ERI3: variants seen among roughly 807,000 people sequenced by gnomAD.
ERI3 encodes ERI1 exoribonuclease 3.
A neutral mutation model predicts 44.4 loss-of-function variants in ERI3; 18 were observed. The observed-to-expected ratio is 0.41, with a 90% CI of 0.28 to 0.60. The LOEUF (loss-of-function observed/expected upper bound fraction) is 0.60. Ranked by LOEUF, ERI3 falls within the 20% of genes least tolerant of loss-of-function variation. The pLI is 0.36. For missense variants in ERI3, 294 were observed against 435.5 expected (o/e 0.68, Z 2.89); for synonymous variants, 183 against 164.8 (o/e 1.11, Z -0.84).
chr1:44,336,558 T>C (rs893913381), intron 3 of ERI3, among the ~76,000 whole-genome samples: 23 of 152,216 alleles, frequency 1.5e-4, no homozygotes, highest in African/African-American at 4.8e-4. Flanking sequence ...GAAGTTAAGA[T>C]TGATCTGACA....
intron 6 of ERI3, 71 bp from the exon 7 acceptor site, chr1:44,284,978 A>C (rs1184877919): frequency 2.4e-6 from 3 of 1,265,642 alleles, no homozygotes; most frequent in Non-Finnish European, 3.5e-6. Context: ...TAAGATGGGA[A>C]GTCCAACAGA....
rs982456568 is a variant in ERI3, at chr1:44,252,654, C to A, written c.832-4616G>T. 6.6e-6 allele frequency among the ~76,000 whole-genome samples: 1 copy of A among 152,182 alleles called. No individual in the cohort carries two copies. Among genetic ancestry groups the A allele is most frequent in the African/African-American group, 2.4e-5 (1 of 41,436 alleles). On this transcript the variant is annotated intron_variant, in intron 7 of 8. Coordinates refer to ENST00000372257, the MANE Select transcript of ERI3 (RefSeq NM_024066.3). The surrounding 1 kb of genome is among the most constrained non-coding windows in gnomAD (Gnocchi z 4.7). Reference sequence around the variant, plus strand: ...GCGGCTTATGGGGGCTTAGCAGCTGCGACAAGTGTATTGGGTTTAATAGAT... The same window carrying A: ...GCGGCTTATGGGGGCTTAGCAGCTGAGACAAGTGTATTGGGTTTAATAGAT...
At chr1:44,328,361 C>G (rs1324440729) in intron 3 of ERI3, among the ~76,000 whole-genome samples, 2 of 151,912 alleles carry the variant, frequency 1.3e-5, no homozygotes, top group Admixed American at 1.3e-4. Flanking sequence ...CAAACCAGTC[C>G]CATCACTTGA....
At chr1:44,264,446 A>G (rs1402910005) in intron 7 of ERI3, among the ~76,000 whole-genome samples, 2 of 152,186 alleles carry the variant, frequency 1.3e-5, no homozygotes, top group Non-Finnish European at 2.9e-5. Context: ...CTTCTGATCA[A>G]TCTGAATTTT....
chr1:44,228,948 C>T lies in ERI3; in HGVS notation c.932-7308G>A, dbSNP rs146438445. Among the ~76,000 whole-genome samples, 1 of 152,310 alleles carries T rather than the reference C, an allele frequency of 6.6e-6. No homozygotes were observed. The highest frequency in any genetic ancestry group is 1.5e-5 in the Non-Finnish European group (1 of 68,012). ...TGTCAACGTCATTCAAACCCCAATA[C>T]AGAATGAGGACAGAAACCACGTTGG... On this transcript the variant is annotated intron_variant, in intron 8 of 8. Coordinates refer to ENST00000372257, the MANE Select transcript of ERI3 (RefSeq NM_024066.3). The surrounding 1 kb of genome is among the most constrained non-coding windows in gnomAD (Gnocchi z 4.3).
intron 7 of ERI3, among the ~76,000 whole-genome samples, chr1:44,263,534 C>T (rs1227656889): frequency 6.6e-6 from 1 of 152,230 alleles, no homozygotes; most frequent in Non-Finnish European, 1.5e-5. Flanking sequence ...TTTGTAGTAC[C>T]TTAGATACAG....
intron 7 of ERI3, among the ~76,000 whole-genome samples, chr1:44,278,557 C>G (rs1324815367): frequency 6.6e-6 from 1 of 151,480 alleles, no homozygotes; most frequent in Non-Finnish European, 1.5e-5. Flanking sequence ...GATTCACCAA[C>G]TCAGGCTGTA....
chr1:44,286,026 A>T (rs1645387835), intron 6 of ERI3, among the ~76,000 whole-genome samples: 1 of 152,228 alleles, frequency 6.6e-6, no homozygotes, highest in African/African-American at 2.4e-5. Flanking sequence ...TAAGATGTAA[A>T]GGAGGCCCCA....
chr1:44,349,332 T>C (rs1475878311), intron 2 of ERI3, among the ~76,000 whole-genome samples: 1 of 152,042 alleles, frequency 6.6e-6, no homozygotes, highest in African/African-American at 2.4e-5. Context: ...TTTTGTATTT[T>C]TGTAGAGATG....
chr1:44,346,206 G>A (rs1052080976), intron 2 of ERI3, among the ~76,000 whole-genome samples: 6 of 152,160 alleles, frequency 3.9e-5, no homozygotes, highest in Non-Finnish European at 8.8e-5. Context: ...GCACAGCTAT[G>A]GAGAGCTCCC....
intron 6 of ERI3, 54 bp downstream of exon 6, chr1:44,308,256 C>A (rs975804195): frequency 2.0e-5 from 26 of 1,324,708 alleles, no homozygotes; most frequent in Non-Finnish European, 2.6e-5. Flanking sequence ...AAAGGCCAGA[C>A]CTGGTCCCAC....
chr1:44,323,046 C>A (rs923941637), intron 3 of ERI3: 2 of 849,384 alleles, frequency 2.4e-6, no homozygotes, highest in Non-Finnish European at 3.3e-6. Flanking sequence ...CCAATTTCAT[C>A]ATTCCCCTAG....
intron 5 of ERI3, among the ~76,000 whole-genome samples, chr1:44,310,511 A>G (rs904810890): frequency 2.0e-5 from 3 of 152,184 alleles, no homozygotes; most frequent in Admixed American, 1.3e-4. Context: ...AGGATGACTT[A>G]AGTCCACAGT....
At chr1:44,262,241 C>T (rs1340516039) in intron 7 of ERI3, among the ~76,000 whole-genome samples, 1 of 152,204 alleles carries the variant, frequency 6.6e-6, no homozygotes, top group African/African-American at 2.4e-5. Flanking sequence ...CTGCCCCATG[C>T]TAGCCTACAC....
intron 4 of ERI3, among the ~76,000 whole-genome samples, chr1:44,315,204 G>A (rs944656529): frequency 3.9e-5 from 6 of 152,192 alleles, no homozygotes; most frequent in Non-Finnish European, 5.9e-5. Context: ...AGTTTCAGGC[G>A]GCAAGGTTAG....
At chr1:44,288,076 G>A (rs1253732413) in intron 6 of ERI3, among the ~76,000 whole-genome samples, 2 of 152,118 alleles carry the variant, frequency 1.3e-5, no homozygotes, top group Non-Finnish European at 2.9e-5. Flanking sequence ...GCCTAGGAAG[G>A]GTCTAGGTCA....
intron 8 of ERI3, among the ~76,000 whole-genome samples, chr1:44,223,998 C>G (rs1057366259): frequency 6.6e-6 from 1 of 152,214 alleles, no homozygotes; most frequent in East Asian, 1.9e-4. Context: ...TACCCCTCAC[C>G]CTGCTATGTT....
At chr1:44,277,125 C>T (rs1005138195) in intron 7 of ERI3, among the ~76,000 whole-genome samples, 16 of 152,136 alleles carry the variant, frequency 1.1e-4, no homozygotes, top group Admixed American at 9.8e-4. Flanking sequence ...AAATAAAAGC[C>T]ATCAGATGGT....
At chr1:44,324,771 C>T (rs1488353966) in intron 3 of ERI3, among the ~76,000 whole-genome samples, 5 of 152,110 alleles carry the variant, frequency 3.3e-5, no homozygotes, top group Admixed American at 1.3e-4. Flanking sequence ...CGTGAGCCAC[C>T]GCGCCCGGCC....
Sources: allele counts gnomAD v4.1 joint callset (sites outside exome capture counted in the v4.1 genomes callset), GRCh38; gene constraint gnomAD v4.1.1; non-coding constraint Gnocchi (gnomAD v3.1); transcripts MANE v1.5; gene names NCBI Gene and HGNC (gene_info 2026-07-23, HGNC 2026-07-21).